PLG: variants seen among roughly 807,000 people sequenced by gnomAD.
PLG encodes plasminogen, also known as plasmin.
PLG carries 41 observed loss-of-function variants against 104.4 expected under a neutral mutation model. The ratio of observed to expected loss-of-function variants is 0.39; its 90% confidence interval spans 0.31 to 0.51. The LOEUF is 0.51. Among genes scored for constraint, PLG ranks in the 20% least tolerant of loss-of-function variants. The probability of loss-of-function intolerance (pLI) is 0.76; values close to 1 mark genes in which losing one functional copy is unlikely to be tolerated. For synonymous variants in PLG, 337 were observed against 357.1 expected (o/e 0.94, Z 0.63); for missense variants, 891 against 1,003.6 (o/e 0.89, Z 1.52).
At chr6:160,711,899 T>C in intron 4 of PLG, 1 of 1,316,150 alleles carries the variant, frequency 7.6e-7, no homozygotes, top group South Asian at 1.7e-5. Context: ...ATGTTGCAAC[T>C]TGCCTATTAT....
chr6:160,706,254 A>C (rs1476872651), intron 1 of PLG, 153 bp from the exon 2 acceptor site: 2 of 992,720 alleles, frequency 2.0e-6, no homozygotes, highest in Admixed American at 4.1e-5. Flanking sequence ...TTCTTAACTA[A>C]ACATTTTGAT....
At chr6:160,717,026 C>G (rs1045257624) in intron 7 of PLG, among the ~76,000 whole-genome samples, 1 of 152,190 alleles carries the variant, frequency 6.6e-6, no homozygotes, top group African/African-American at 2.4e-5. Context: ...GAAATGTAGG[C>G]TTTAGGTGTT....
At chr6:160,713,413 G>T (rs1777679175) in intron 5 of PLG, 2 of 375,934 alleles carry the variant, frequency 5.3e-6, no homozygotes, top group Non-Finnish European at 1.0e-5. Flanking sequence ...GGGATTACAG[G>T]CATGTGCCAC....
intron 17 of PLG, among the ~76,000 whole-genome samples, chr6:160,748,228 C>A (rs1438887958): frequency 6.6e-6 from 1 of 151,340 alleles, no homozygotes; most frequent in Non-Finnish European, 1.5e-5. Context: ...TCGCTTCAAC[C>A]TGGGAGGTGG....
chr6:160,747,923 C>A (rs1323290562), intron 17 of PLG, among the ~76,000 whole-genome samples: 1 of 152,122 alleles, frequency 6.6e-6, no homozygotes, highest in African/African-American at 2.4e-5. Flanking sequence ...AAATGAGGAG[C>A]CTGAGGCTCA....
At chr6:160,749,174 T>C (rs1202532590) in intron 17 of PLG, among the ~76,000 whole-genome samples, 2 of 152,204 alleles carry the variant, frequency 1.3e-5, no homozygotes, top group Admixed American at 1.3e-4. Flanking sequence ...ATTGAGCAGT[T>C]AGTTAATCTC....
intron 17 of PLG, among the ~76,000 whole-genome samples, chr6:160,751,520 T>C (rs943958815): frequency 3.3e-5 from 5 of 152,158 alleles, no homozygotes; most frequent in African/African-American, 1.2e-4. Flanking sequence ...AAACATAAGG[T>C]TTACTATTTT....
At chr6:160,728,066 AAGATTAAT>A (rs1240762693) in intron 10 of PLG, among the ~76,000 whole-genome samples, 1 of 151,972 alleles carries the variant, frequency 6.6e-6, no homozygotes, top group Non-Finnish European at 1.5e-5. Context: ...GAAAGTCCTA[AAGATTAAT>A]AATTAAATTT....
chr6:160,748,698 AAG>A (rs1778341979), intron 17 of PLG, among the ~76,000 whole-genome samples: 1 of 152,218 alleles, frequency 6.6e-6, no homozygotes, highest in Non-Finnish European at 1.5e-5. Flanking sequence ...TTAAGCAAAA[AAG>A]AGAAATCATT....
intron 6 of PLG, among the ~76,000 whole-genome samples, chr6:160,715,627 T>C (rs1044644410): frequency 6.6e-6 from 1 of 151,972 alleles, no homozygotes. Flanking sequence ...CTCTTCATTC[T>C]ATGATGACTA....
chr6:160,734,064 G>A lies in PLG; in HGVS notation c.1657G>A (p.Asp553Asn), dbSNP rs182937977. Reference protein sequence around the residue: ...CYTTNPRKLYDYCDVPQCAAP... With the variant: ...CYTTNPRKLYNYCDVPQCAAP... Reference sequence around the variant, plus strand: ...CACGACAAATCCAAGAAAACTTTACGACTACTGTGATGTCCCTCAGTGTGG... The same window carrying A: ...CACGACAAATCCAAGAAAACTTTACAACTACTGTGATGTCCCTCAGTGTGG... Residue 553 changes from aspartate to asparagine, a missense_variant, in exon 13 of 19, where the codon GAC becomes AAC. Physicochemically the swap from Asp to Asn is conservative, Grantham distance 23 (BLOSUM62 1). Coordinates refer to ENST00000308192, the MANE Select transcript of PLG (RefSeq NM_000301.5). This position sits in a 1 kb window ranked among gnomAD's most constrained non-coding sequence, Gnocchi z 4.4. 79 of 1,604,104 alleles carry A rather than the reference G, an allele frequency of 4.9e-5. No homozygotes were observed. The highest frequency in any genetic ancestry group is 6.1e-5 in the Non-Finnish European group (71 of 1,171,186).
intron 17 of PLG, among the ~76,000 whole-genome samples, chr6:160,748,362 A>AAGAAACAAAGAAAGAGAGAGAGAGAGAG (rs1778318312): frequency 2.7e-5 from 1 of 37,076 alleles, no homozygotes; most frequent in Admixed American, 4.0e-4. Flanking sequence ...GAAAGAAAGA[A>AAGAAACAAAGAAAGAGAGAGAGAGAGAG]AGAAAGAAAG....
rs1327822030 is a variant in PLG at position 160,734,946 on chromosome 6, C to A, written c.1681+858C>A. Among the ~76,000 whole-genome samples the A allele has an allele frequency of 6.6e-6, 1 of 152,026 alleles. No homozygotes were observed. The highest frequency in any genetic ancestry group is 1.9e-4 in the East Asian group (1 of 5,180). ...CTTGGCCTCCAAGTCCACTGAAGAC[C>A]AGCATCCTGAGATTGCCTGGGAAGG... is the stretch of plus-strand genomic sequence containing the variant. On this transcript the variant is annotated intron_variant, in intron 13 of 18. Transcript: ENST00000308192. The surrounding 1 kb of genome is among the most constrained non-coding windows in gnomAD (Gnocchi z 4.4).
In PLG at chr6:160,738,711, T is replaced by A; in HGVS notation, c.1877+99T>A. 1 of 877,624 alleles carries A rather than the reference T, an allele frequency of 1.1e-6. No homozygotes were observed. The highest frequency in any genetic ancestry group is 1.9e-6 in the Non-Finnish European group (1 of 515,408). The allele number at this position is 877,624 out of a possible 1,614,324, so 54.4% of individuals were successfully genotyped here. On this transcript the variant is annotated intron_variant, in intron 15 of 18. Coordinates refer to ENST00000308192, the MANE Select transcript of PLG (RefSeq NM_000301.5). This position sits in a 1 kb window ranked among gnomAD's most constrained non-coding sequence, Gnocchi z 6.8. ...CTTTCCTTTCTCACTCTTCCTCCCT[T>A]CCTTCTCTGGCTGTGACACTAGGGA...
At chr6:160,711,798 G>A (rs1830519) in intron 4 of PLG, 1,102,291 of 1,547,662 alleles carry the variant, frequency 0.71, 397,618 homozygotes, top group Middle Eastern at 0.78. Context: ...AAGCATATCA[G>A]GTTAGAACTC....
chr6:160,721,767 G>C (rs1191210037), intron 9 of PLG, among the ~76,000 whole-genome samples: 1 of 152,174 alleles, frequency 6.6e-6, no homozygotes, highest in African/African-American at 2.4e-5. Flanking sequence ...CAGTGTTCTT[G>C]TGCCTCCTTC....
chr6:160,717,426 C>T (rs962450535), intron 7 of PLG, among the ~76,000 whole-genome samples: 1 of 151,968 alleles, frequency 6.6e-6, no homozygotes, highest in Admixed American at 6.6e-5. Context: ...GCGGAAGTTC[C>T]TCAGGCATTC....
At chr6:160,703,827 A>G (rs1777468869) in intron 1 of PLG, among the ~76,000 whole-genome samples, 1 of 152,216 alleles carries the variant, frequency 6.6e-6, no homozygotes. Context: ...CCACAGGATT[A>G]ACATATGTTT....
In PLG at chr6:160,725,860, TA is replaced by T. The variant is rs1245430760; in HGVS notation, c.1256+3294del. ...AGAAATAATACCACGATGAAAAAGT[TA>T]TTTCTTAAGTAAAAAAAGTTTATTC... On this transcript the variant is annotated intron_variant, in intron 10 of 18. Coordinates refer to ENST00000308192, the MANE Select transcript of PLG (RefSeq NM_000301.5). The surrounding 1 kb of genome is among the most constrained non-coding windows in gnomAD (Gnocchi z 6.3). 6.6e-6 allele frequency among the ~76,000 whole-genome samples: 1 copy of T among 152,130 alleles called. No individual in the cohort carries two copies. Among genetic ancestry groups the T allele is most frequent in the Non-Finnish European group, 1.5e-5 (1 of 67,986 alleles).
Sources: allele counts gnomAD v4.1 joint callset (sites outside exome capture counted in the v4.1 genomes callset), GRCh38; gene constraint gnomAD v4.1.1; non-coding constraint Gnocchi (gnomAD v3.1); transcripts MANE v1.5; gene names NCBI Gene and HGNC (gene_info 2026-07-23, HGNC 2026-07-21).